The following RANBP3L variants were observed in gnomAD, a reference collection of about 807,000 sequenced individuals.
RANBP3L encodes ran-binding protein 3-like.
RANBP3L carries 56 observed loss-of-function variants against 67.2 expected under a neutral mutation model. That is an observed-to-expected ratio of 0.83 (90% CI 0.67 to 1.04). RANBP3L has a LOEUF of 1.04. RANBP3L is among the 50% of genes least tolerant of loss of function. RANBP3L has a pLI of 0.00. For missense variants in RANBP3L, 496 were observed against 535.5 expected, an observed-to-expected ratio of 0.93 and a Z score of 0.73; for synonymous variants, 164 against 181.4, an observed-to-expected ratio of 0.90 and a Z score of 0.77.
At chr5:36,276,985 G>A (rs1413509462) in intron 1 of RANBP3L, among the ~76,000 whole-genome samples, 1 of 152,144 alleles carries the variant, frequency 6.6e-6, no homozygotes, top group Non-Finnish European at 1.5e-5. Flanking sequence ...CTCCATGCTG[G>A]ATAGAACCAG....
intron 1 of RANBP3L, among the ~76,000 whole-genome samples, chr5:36,299,126 T>C (rs1004597178): frequency 9.2e-5 from 14 of 152,106 alleles, no homozygotes; most frequent in African/African-American, 3.1e-4. Context: ...CCAGCCTACA[T>C]CTTTCTCTCT....
At position 36,269,976 on chromosome 5, in the gene RANBP3L, G is replaced by T. The variant is rs1750095063; in HGVS notation, c.165C>A (p.Asp55Glu). The T allele has an allele frequency of 6.2e-7, 1 of 1,613,460 alleles. No homozygotes were observed. Among genetic ancestry groups the T allele is most frequent in the Non-Finnish European group, 8.5e-7 (1 of 1,179,460 alleles). Residue 55 changes from aspartate (D) to glutamate (E), a missense_variant, in exon 3 of 14, where the codon GAC (aspartate) becomes GAA (glutamate). Physicochemically the swap from Asp to Glu is conservative, Grantham distance 45 (BLOSUM62 2). Coordinates refer to ENST00000296604, the MANE Select transcript of RANBP3L (RefSeq NM_145000.5). ...GEQTFKRPAE[D>E]TLYEAAEPEC... Reference sequence around the variant, plus strand: ...CTGGTTCTGCTGCTTCATACAGGGTGTCTTCTGCAGGTCTCTGAAAGGAAA... The same window carrying T: ...CTGGTTCTGCTGCTTCATACAGGGTTTCTTCTGCAGGTCTCTGAAAGGAAA...
At chr5:36,273,490 T>C (rs1750369117) in intron 1 of RANBP3L, among the ~76,000 whole-genome samples, 1 of 152,302 alleles carries the variant, frequency 6.6e-6, no homozygotes, top group Admixed American at 6.5e-5. Flanking sequence ...TAATTGAAGG[T>C]GCATTAGTGG....
chr5:36,292,371 G>A (rs1332272675), intron 1 of RANBP3L, among the ~76,000 whole-genome samples: 3 of 151,656 alleles, frequency 2.0e-5, no homozygotes, highest in African/African-American at 7.3e-5. Flanking sequence ...TCTGATGGTA[G>A]TTTCTTTTGC....
At chr5:36,279,652 C>G (rs1409826508) in intron 1 of RANBP3L, among the ~76,000 whole-genome samples, 2 of 152,060 alleles carry the variant, frequency 1.3e-5, no homozygotes, top group Non-Finnish European at 2.9e-5. Context: ...AAGATGTAAC[C>G]AATTTTGTGT....
chr5:36,275,470 A>G (rs1317379814), intron 1 of RANBP3L, among the ~76,000 whole-genome samples: 1 of 152,194 alleles, frequency 6.6e-6, no homozygotes, highest in East Asian at 1.9e-4. Context: ...CAAATGTATG[A>G]TATGTGACAT....
chr5:36,276,878 A>T (rs1036518933), intron 1 of RANBP3L, among the ~76,000 whole-genome samples: 1 of 152,170 alleles, frequency 6.6e-6, no homozygotes, highest in Non-Finnish European at 1.5e-5. Context: ...GGCAGCTTCT[A>T]GAAGTCCCCA....
At chr5:36,252,253 G>C (rs2111612014) in intron 12 of RANBP3L, among the ~76,000 whole-genome samples, 1 of 152,050 alleles carries the variant, frequency 6.6e-6, no homozygotes, top group African/African-American at 2.4e-5. Context: ...GCTGAAAGTT[G>C]AATCCCAGGT....
chr5:36,284,508 A>G (rs1370556551), intron 1 of RANBP3L, among the ~76,000 whole-genome samples: 1 of 152,220 alleles, frequency 6.6e-6, no homozygotes, highest in African/African-American at 2.4e-5. Flanking sequence ...ACGTGAAATA[A>G]AGTCCTAGTT....
At chr5:36,260,370 A>G (rs1298510591) in intron 8 of RANBP3L, among the ~76,000 whole-genome samples, 1 of 151,476 alleles carries the variant, frequency 6.6e-6, no homozygotes, top group Non-Finnish European at 1.5e-5. Context: ...CAAAAAAAAA[A>G]AAAAAAAAAA....
chr5:36,253,743 G>A lies in RANBP3L; in HGVS notation c.1071C>T (p.Leu357=). ...CTCTTTGAATCTTCATTTGGGCCCA[G>A]AGTTTGCTGTTGAGGATCAGCCTTA... The part of the protein sequence containing the change: ...GSLRLILNSK[L]WAQMKIQRAN... Residue 357 remains leucine (L), a synonymous_variant, in exon 12 of 14, where the codon CTC becomes CTT. Transcript: ENST00000296604. 1 of 1,613,132 alleles carries A rather than the reference G, an allele frequency of 6.2e-7. No individual in the cohort carries two copies. The highest frequency in any genetic ancestry group is 8.5e-7 in the Non-Finnish European group (1 of 1,179,260).
At chr5:36,285,361 T>C (rs1441021241) in intron 1 of RANBP3L, among the ~76,000 whole-genome samples, 1 of 152,208 alleles carries the variant, frequency 6.6e-6, no homozygotes, top group Non-Finnish European at 1.5e-5. Flanking sequence ...GCATCCTCAG[T>C]AGATGGCCTT....
Position 36,257,550 on chromosome 5 carries a change from G to C in RANBP3L, c.676C>G (p.Gln226Glu). Reference sequence around the variant, plus strand: ...TCAAGTTGAGGCTGGGTGAGTTTTTGAGTACCCTGAGAGCGGAAAAAGATG... The same window carrying C: ...TCAAGTTGAGGCTGGGTGAGTTTTTCAGTACCCTGAGAGCGGAAAAAGATG... ...ENMVERVLGT[Q>E]KLTQPQLEND... The change falls in exon 9 of 14, where the codon CAA becomes GAA. Residue 226 changes from glutamine to glutamate, a missense_variant. By Grantham distance (29) the Gln-to-Glu change is conservative. Transcript: ENST00000296604. 2 of 1,490,806 alleles carry C rather than the reference G, an allele frequency of 1.3e-6. No homozygotes were observed. Among genetic ancestry groups the C allele is most frequent in the Non-Finnish European group, 1.8e-6 (2 of 1,081,922 alleles). The allele number at this position is 1,490,806 out of a possible 1,614,324, so 92.3% of individuals were successfully genotyped here. A position where few individuals can be genotyped will look rare whatever the true frequency, so the allele number is the denominator to read the frequency against.
intron 1 of RANBP3L, among the ~76,000 whole-genome samples, chr5:36,295,774 G>A (rs569553661): frequency 6.7e-6 from 1 of 149,382 alleles, no homozygotes; most frequent in South Asian, 2.1e-4. Flanking sequence ...GTTTCCTAGT[G>A]GACTCTATTA....
chr5:36,281,024 A>G (rs908663891), intron 1 of RANBP3L, among the ~76,000 whole-genome samples: 1 of 152,184 alleles, frequency 6.6e-6, no homozygotes, highest in South Asian at 2.1e-4. Flanking sequence ...GCCATACTTT[A>G]TAAGACATAT....
intron 1 of RANBP3L, among the ~76,000 whole-genome samples, chr5:36,282,798 G>T (rs1751061251): frequency 6.6e-6 from 1 of 152,086 alleles, no homozygotes; most frequent in South Asian, 2.1e-4. Flanking sequence ...ACCCCCAGGA[G>T]ACCCATCATT....
intron 6 of RANBP3L, among the ~76,000 whole-genome samples, chr5:36,263,646 C>T: frequency 6.6e-6 from 1 of 152,148 alleles, no homozygotes; most frequent in East Asian, 1.9e-4. Context: ...ACCTCCACTT[C>T]CCGGGTTCAA....
intron 6 of RANBP3L, among the ~76,000 whole-genome samples, chr5:36,262,619 A>G (rs1749478651): frequency 6.6e-6 from 1 of 152,056 alleles, no homozygotes; most frequent in Non-Finnish European, 1.5e-5. Context: ...AACCCTATAC[A>G]TTATCTGATC....
chr5:36,280,195 A>G (rs773519917), intron 1 of RANBP3L, among the ~76,000 whole-genome samples: 10 of 152,206 alleles, frequency 6.6e-5, no homozygotes, highest in Admixed American at 1.3e-4. Flanking sequence ...AGACATAGAG[A>G]TAAGAAAATA....
Sources: gnomAD v4.1 joint callset for allele counts (sites outside exome capture counted in the v4.1 genomes callset) on GRCh38, gnomAD v4.1.1 for gene constraint, MANE v1.5 for transcripts, NCBI Gene and HGNC (gene_info 2026-07-23, HGNC 2026-07-21) for gene names.